Variants in CYB5R4 observed in about 807,000 individuals in gnomAD.
CYB5R4 encodes the protein N-terminal cytochrome b5 and cytochrome b5 oxidoreductase domain-containing protein.
Under a neutral mutation model 70.2 loss-of-function variants are expected in CYB5R4, and 55 were observed. The ratio of observed to expected loss-of-function variants is 0.78; its 90% CI spans 0.63 to 0.98. CYB5R4 has a LOEUF of 0.98. CYB5R4 is among the 50% of genes least tolerant of loss of function. The pLI, the probability that CYB5R4 is intolerant of heterozygous loss-of-function variation, is 0.00. For missense variants in CYB5R4, 562 were observed against 612.6 expected (o/e 0.92, Z 0.87); for synonymous variants, 197 against 199.5 (o/e 0.99, Z 0.11).
At chr6:83,957,015 A>G (rs1400106022) in intron 15 of CYB5R4, among the ~76,000 whole-genome samples, 6 of 151,892 alleles carry the variant, frequency 4.0e-5, no homozygotes, top group Non-Finnish European at 8.8e-5. Flanking sequence ...TAAAAACATT[A>G]AAAACTTTTT....
At chr6:83,917,128 T>C (rs923785538) in intron 5 of CYB5R4, among the ~76,000 whole-genome samples, 1 of 152,114 alleles carries the variant, frequency 6.6e-6, no homozygotes, top group African/African-American at 2.4e-5. Context: ...ATAGCATTAG[T>C]GGGCTTTTAA....
intron 10 of CYB5R4, among the ~76,000 whole-genome samples, chr6:83,933,672 A>G (rs2099468484): frequency 6.6e-6 from 1 of 152,228 alleles, no homozygotes; most frequent in Admixed American, 6.5e-5. Context: ...TACAAGTGAA[A>G]ATCTTAATTC....
At chr6:83,951,469 G>A (rs1204638917) in intron 14 of CYB5R4, among the ~76,000 whole-genome samples, 5 of 152,168 alleles carry the variant, frequency 3.3e-5, no homozygotes, top group Admixed American at 2.0e-4. Context: ...AGTGTGGAAC[G>A]TTCCCCTCCC....
intron 15 of CYB5R4, among the ~76,000 whole-genome samples, chr6:83,956,379 G>A (rs753226650): frequency 4.6e-5 from 7 of 152,130 alleles, no homozygotes; most frequent in Admixed American, 2.6e-4. Context: ...ATTGGGGGGG[G>A]CACGGGTTTC....
At chr6:83,957,154 T>A (rs1486816468) in intron 15 of CYB5R4, among the ~76,000 whole-genome samples, 1 of 152,088 alleles carries the variant, frequency 6.6e-6, no homozygotes, top group Non-Finnish European at 1.5e-5. Flanking sequence ...TGTAAACTTT[T>A]GCTCTTTTAA....
intron 2 of CYB5R4, among the ~76,000 whole-genome samples, chr6:83,877,022 G>C (rs1435841931): frequency 3.3e-5 from 5 of 151,808 alleles, no homozygotes; most frequent in African/African-American, 4.8e-5. Context: ...TAGTAGAGAT[G>C]GGTTTCACCA....
At chr6:83,898,406 C>T (rs1191440839) in intron 3 of CYB5R4, among the ~76,000 whole-genome samples, 148 of 137,240 alleles carry the variant, frequency 1.1e-3, no homozygotes, top group Admixed American at 2.4e-3. Context: ...ATGATGCCTC[C>T]AGCTTTGTTC....
At chr6:83,940,324 T>C (rs972383862) in intron 13 of CYB5R4, 118 bp downstream of exon 13, 1 of 1,136,964 alleles carries the variant, frequency 8.8e-7, no homozygotes, top group Non-Finnish European at 1.2e-6. Flanking sequence ...TCATTCATCA[T>C]TTCTTACTTT....
intron 14 of CYB5R4, among the ~76,000 whole-genome samples, chr6:83,954,661 A>G (rs916259288): frequency 6.6e-6 from 1 of 151,972 alleles, no homozygotes. Flanking sequence ...TTTTTTTTCA[A>G]TACTAGTAGA....
At chr6:83,922,894 T>A (rs2099466625) in intron 9 of CYB5R4, among the ~76,000 whole-genome samples, 1 of 152,130 alleles carries the variant, frequency 6.6e-6, no homozygotes, top group South Asian at 2.1e-4. Flanking sequence ...GCTGAAGTGA[T>A]CCTCCCGTCT....
At chr6:83,894,111 A>G (rs2099461522) in intron 3 of CYB5R4, among the ~76,000 whole-genome samples, 1 of 152,192 alleles carries the variant, frequency 6.6e-6, no homozygotes, top group South Asian at 2.1e-4. Flanking sequence ...AATGAATAGA[A>G]ACTTATTTTT....
chr6:83,962,861 C>T lies in CYB5R4; in HGVS notation c.*2983C>T, dbSNP rs1426181557. ...CTTCTCATACTTTCTGTGTGGCCCT[C>T]TTCAGCATTAGTGGATGAATCTCAT... On this transcript the variant is annotated 3_prime_UTR_variant, in exon 16 of 16. Coordinates refer to ENST00000369681, the MANE Select transcript of CYB5R4 (RefSeq NM_016230.4). The T allele has an allele frequency of 6.6e-6, 1 of 152,228 alleles. No individual in the cohort carries two copies. Among genetic ancestry groups the T allele is most frequent in the Admixed American group, 6.5e-5 (1 of 15,282 alleles). 9.4% of individuals were successfully genotyped at this position (152,228 alleles called of 1,614,324 possible). A position where few individuals can be genotyped will look rare whatever the true frequency, so the allele number is the denominator to read the frequency against.
At chr6:83,932,181 A>G (rs2099468260) in intron 10 of CYB5R4, among the ~76,000 whole-genome samples, 2 of 152,088 alleles carry the variant, frequency 1.3e-5, no homozygotes, top group Admixed American at 1.3e-4. Flanking sequence ...ACTTTCTTAA[A>G]TCTTTCTTAA....
Position 83,965,252 on chromosome 6 carries a change from C to T in CYB5R4, c.*5374C>T, listed in dbSNP as rs1252110031. The T allele has an allele frequency of 1.3e-5, 2 of 152,370 alleles. No individual in the cohort carries two copies. Among genetic ancestry groups the T allele is most frequent in the Non-Finnish European group, 2.9e-5 (2 of 68,178 alleles). The allele number at this position is 152,370 out of a possible 1,614,324, so 9.4% of individuals were successfully genotyped here. A position where few individuals can be genotyped will look rare whatever the true frequency, so the allele number is the denominator to read the frequency against. On this transcript the variant is annotated 3_prime_UTR_variant, in exon 16 of 16. Coordinates refer to ENST00000369681, the MANE Select transcript of CYB5R4 (RefSeq NM_016230.4). ...CTGGAAAAGCTGCAGATACTCAACA[C>T]CAGCCCATGAAAGCAGCCAGGATGG...
chr6:83,960,392 C>T lies in CYB5R4; in HGVS notation c.*514C>T, dbSNP rs2099473141. The T allele has an allele frequency of 1.3e-5, 2 of 152,518 alleles. No individual in the cohort carries two copies. Among genetic ancestry groups the T allele is most frequent in the Non-Finnish European group, 2.9e-5 (2 of 68,066 alleles). 9.4% of individuals were successfully genotyped at this position (152,518 alleles called of 1,614,324 possible). Reference sequence around the variant, plus strand: ...TTTTTGTGTGTGTATGGCATTGATGCAGAATAGAATAAAATTATACTTAAG... The same window carrying T: ...TTTTTGTGTGTGTATGGCATTGATGTAGAATAGAATAAAATTATACTTAAG... On this transcript the variant is annotated 3_prime_UTR_variant, in exon 16 of 16. Transcript: ENST00000369681.
Position 83,917,997 on chromosome 6 carries a change from T to A in CYB5R4, c.446-8T>A, listed in dbSNP as rs892191959. On this transcript the variant is annotated splice_region_variant and splice_polypyrimidine_tract_variant and intron_variant, in intron 5 of 15. Transcript: ENST00000369681. ...GTAGATGAACTATAGCTATCTTTCTTTGTAAAGGCATGCTTCCCAAGAGCC... is the reference window on the plus strand; with the variant it reads ...GTAGATGAACTATAGCTATCTTTCTATGTAAAGGCATGCTTCCCAAGAGCC... 6.2e-7 allele frequency: 1 copy of A among 1,607,964 alleles called. No homozygotes were observed. Among genetic ancestry groups the A allele is most frequent in the African/African-American group, 1.3e-5 (1 of 74,812 alleles).
intron 5 of CYB5R4, among the ~76,000 whole-genome samples, chr6:83,915,165 C>A (rs2099465303): frequency 6.6e-6 from 1 of 152,142 alleles, no homozygotes; most frequent in Non-Finnish European, 1.5e-5. Flanking sequence ...CAAATAATGA[C>A]TGACACTTCC....
chr6:83,914,543 T>C, intron 5 of CYB5R4, 95 bp downstream of exon 5: 1 of 1,179,274 alleles, frequency 8.5e-7, no homozygotes, highest in Non-Finnish European at 1.1e-6. Context: ...ATTTTTTTCT[T>C]TTTTTTCTTT....
intron 3 of CYB5R4, among the ~76,000 whole-genome samples, chr6:83,905,181 A>G (rs1240829952): frequency 6.6e-6 from 1 of 152,008 alleles, no homozygotes; most frequent in Non-Finnish European, 1.5e-5. Context: ...CAGCCGCCCA[A>G]GTAGCTGGGA....
Sources: gnomAD v4.1 joint callset for allele counts (sites outside exome capture counted in the v4.1 genomes callset) on GRCh38, gnomAD v4.1.1 for gene constraint, MANE v1.5 for transcripts, NCBI Gene and HGNC (gene_info 2026-07-23, HGNC 2026-07-21) for gene names.